Variants in VWA2 observed in about 807,000 individuals in gnomAD.
VWA2 encodes von Willebrand factor A domain containing 2, also known as von Willebrand factor A domain-containing protein 2.
Under a neutral mutation model 70.4 loss-of-function variants are expected in VWA2, and 73 were observed. The ratio of observed to expected loss-of-function variants is 1.04; its 90% CI spans 0.86 to 1.26. The LOEUF (loss-of-function observed/expected upper bound fraction) is 1.26, where lower values mean the gene tolerates loss of function less well. Among genes scored for constraint, VWA2 ranks in the 50% most tolerant of loss-of-function variants. The pLI is 0.00. For missense variants in VWA2, 1,011 were observed against 998.5 expected (o/e 1.01, Z -0.17); for synonymous variants, 407 against 423.3 (o/e 0.96, Z 0.47).
At chr10:114,265,360 A>AT (rs571036260) in intron 5 of VWA2, among the ~76,000 whole-genome samples, 36 of 152,246 alleles carry the variant, frequency 2.4e-4, no homozygotes, top group Non-Finnish European at 5.9e-5. Context: ...GTCAAAGACC[A>AT]TTTGAGTGAC....
intron 5 of VWA2, among the ~76,000 whole-genome samples, chr10:114,266,066 G>T (rs1373496523): frequency 6.6e-6 from 1 of 152,188 alleles, no homozygotes; most frequent in African/African-American, 2.4e-5. Flanking sequence ...GGGAGGCCGA[G>T]GTGGGCAGAT....
At chr10:114,276,921 T>A (rs1234792444) in intron 6 of VWA2, among the ~76,000 whole-genome samples, 1 of 152,076 alleles carries the variant, frequency 6.6e-6, no homozygotes, top group East Asian at 1.9e-4. Context: ...GCTGGGGGGC[T>A]CCAGGGCTGG....
intron 1 of VWA2, chr10:114,246,834 A>G (rs2037083183): frequency 1.3e-5 from 11 of 853,618 alleles, no homozygotes; most frequent in Non-Finnish European, 2.2e-5. Flanking sequence ...GCTACAAGAA[A>G]TATTTGTTTT....
intron 12 of VWA2, 77 bp downstream of exon 12, chr10:114,289,566 G>A (rs768392849): frequency 9.8e-6 from 15 of 1,524,200 alleles, no homozygotes; most frequent in African/African-American, 5.5e-5. Context: ...ACATCATGAC[G>A]AGGATGGCAG....
chr10:114,282,465 C>T, intron 8 of VWA2, 51 bp from the exon 9 acceptor site: 1 of 1,434,912 alleles, frequency 7.0e-7, no homozygotes, highest in Non-Finnish European at 9.8e-7. Flanking sequence ...TGTTTTCTGC[C>T]CTCCCCTTAC....
In VWA2 at chr10:114,255,025, G is replaced by C; in HGVS notation, c.238G>C (p.Gly80Arg). ...GCACTTTGCCATCACAGTCTGTGAC[G>C]GTCTGGACATCAGCCCCGAGAGGGT... is the stretch of plus-strand genomic sequence containing the variant. The part of the protein sequence containing the change: ...SKHFAITVCD[G>R]LDISPERVRV... The change falls in exon 4 of 14, where the codon GGT (glycine) becomes CGT (arginine). Residue 80 changes from glycine (G) to arginine (R), a missense_variant. Physicochemically the swap from Gly to Arg is moderately radical, Grantham distance 125 (BLOSUM62 -2). Coordinates refer to ENST00000392982, the MANE Select transcript of VWA2 (RefSeq NM_001272046.2). 1 of 1,612,576 alleles carries C rather than the reference G, an allele frequency of 6.2e-7. No individual in the cohort carries two copies. Among genetic ancestry groups the C allele is most frequent in the Non-Finnish European group, 8.5e-7 (1 of 1,179,916 alleles).
At chr10:114,277,658 C>T (rs1008156680) in intron 6 of VWA2, among the ~76,000 whole-genome samples, 3 of 152,234 alleles carry the variant, frequency 2.0e-5, no homozygotes, top group Non-Finnish European at 4.4e-5. Context: ...CCTTGGAGTT[C>T]TTACGTCCAT....
intron 8 of VWA2, chr10:114,280,789 A>G (rs2038048926): frequency 6.6e-6 from 1 of 152,130 alleles, no homozygotes. Flanking sequence ...ACCAGGATGG[A>G]GTACAGTGGC....
intron 2 of VWA2, among the ~76,000 whole-genome samples, chr10:114,251,387 G>A (rs2037193174): frequency 6.6e-6 from 1 of 152,214 alleles, no homozygotes; most frequent in African/African-American, 2.4e-5. Context: ...GCTGAGCACA[G>A]GGCACAGAGG....
intron 4 of VWA2, among the ~76,000 whole-genome samples, chr10:114,259,309 C>G (rs1348473575): frequency 6.6e-6 from 1 of 152,124 alleles, no homozygotes; most frequent in Non-Finnish European, 1.5e-5. Flanking sequence ...CTGTTCAAAT[C>G]CTTTGCCCAT....
chr10:114,252,913 C>T (rs1037902524), intron 2 of VWA2, among the ~76,000 whole-genome samples: 11 of 151,840 alleles, frequency 7.2e-5, no homozygotes, highest in Middle Eastern at 3.2e-3. Flanking sequence ...TGTGTTCCTT[C>T]ATCTGCCCCA....
chr10:114,248,347 GC>G (rs1301550748), intron 1 of VWA2, among the ~76,000 whole-genome samples: 1 of 152,168 alleles, frequency 6.6e-6, no homozygotes, highest in Non-Finnish European at 1.5e-5. Context: ...AAGTGACTTT[GC>G]CCAGGGTCAC....
Position 114,289,227 on chromosome 10 carries a change from A to G in VWA2, c.1860A>G (p.Lys620=). 1 of 1,613,920 alleles carries G rather than the reference A, an allele frequency of 6.2e-7. No homozygotes were observed. Among genetic ancestry groups the G allele is most frequent in the Non-Finnish European group, 8.5e-7 (1 of 1,179,926 alleles). Residue 620 remains lysine, a synonymous_variant, in exon 12 of 14, where the codon AAA becomes AAG. Coordinates refer to ENST00000392982, the MANE Select transcript of VWA2 (RefSeq NM_001272046.2). The part of the protein sequence containing the change: ...AGTALLHIYD[K]VMTVQRGARP... ...CCGCCCTGCTGCACATCTATGACAA[A>G]GTGATGACCGTCCAGAGGGGTGCCC...
At chr10:114,271,180 A>G (rs958246209) in intron 5 of VWA2, among the ~76,000 whole-genome samples, 2 of 152,136 alleles carry the variant, frequency 1.3e-5, no homozygotes, top group Admixed American at 6.6e-5. Context: ...CCATTTCACT[A>G]TCTTCCCTCT....
At chr10:114,242,514 T>C (rs1399901888) in intron 1 of VWA2, among the ~76,000 whole-genome samples, 1 of 151,506 alleles carries the variant, frequency 6.6e-6, no homozygotes, top group Admixed American at 6.6e-5. Flanking sequence ...TACCAGTAAA[T>C]CTGTGTATCA....
intron 1 of VWA2, among the ~76,000 whole-genome samples, chr10:114,244,633 TA>T (rs11369354): frequency 6.6e-6 from 1 of 151,384 alleles, no homozygotes; most frequent in East Asian, 1.9e-4. Flanking sequence ...ATTCACCCTT[TA>T]AAAAAAAAGC....
intron 5 of VWA2, among the ~76,000 whole-genome samples, chr10:114,263,125 C>T (rs2037480894): frequency 6.6e-6 from 1 of 152,116 alleles, no homozygotes; most frequent in Non-Finnish European, 1.5e-5. Context: ...AAGCCATCCT[C>T]CCACCTCAGC....
At chr10:114,260,050 T>C (rs1054375516) in intron 4 of VWA2, among the ~76,000 whole-genome samples, 12 of 152,344 alleles carry the variant, frequency 7.9e-5, no homozygotes, top group African/African-American at 2.9e-4. Flanking sequence ...GAGGGCAGCA[T>C]CATTGCTTAA....
At chr10:114,274,801 TA>T (rs1252615619) in intron 6 of VWA2, among the ~76,000 whole-genome samples, 1 of 152,126 alleles carries the variant, frequency 6.6e-6, no homozygotes. Context: ...GGCGTTGGCT[TA>T]GGATATGTTT....
Sources: gnomAD v4.1 joint callset for allele counts (sites outside exome capture counted in the v4.1 genomes callset) on GRCh38, gnomAD v4.1.1 for gene constraint, MANE v1.5 for transcripts, NCBI Gene and HGNC (gene_info 2026-07-23, HGNC 2026-07-21) for gene names.